Variants in ENTREP2 observed in about 807,000 individuals in gnomAD.
ENTREP2 encodes endosomal transmembrane epsin interactor 2, also known as protein ENTREP2.
chr15:29,399,160 A>G, the ENTREP2 span, among the ~76,000 whole-genome samples: 2 of 152,220 alleles, frequency 1.3e-5, no homozygotes, highest in African/African-American at 4.8e-5. Flanking sequence ...GAATTCTGCC[A>G]ACAACCTGAA....
chr15:29,445,266 G>A, the ENTREP2 span, among the ~76,000 whole-genome samples: 1 of 152,116 alleles, frequency 6.6e-6, no homozygotes, highest in Non-Finnish European at 1.5e-5. Context: ...CTAACACTTG[G>A]AATCTCCAAG....
At chr15:29,666,220 G>A in the ENTREP2 span, among the ~76,000 whole-genome samples, 4 of 151,970 alleles carry the variant, frequency 2.6e-5, no homozygotes, top group African/African-American at 7.3e-5. Context: ...CGTTTCAAAG[G>A]TAACATGCCC....
the ENTREP2 span, among the ~76,000 whole-genome samples, chr15:29,657,290 G>A: frequency 6.6e-6 from 1 of 151,060 alleles, no homozygotes; most frequent in Non-Finnish European, 1.5e-5. Flanking sequence ...CAAATCTCTC[G>A]ACCTCCTGAT....
chr15:29,163,583 G>A, the ENTREP2 span, among the ~76,000 whole-genome samples: 1 of 151,964 alleles, frequency 6.6e-6, no homozygotes, highest in Admixed American at 6.6e-5. Context: ...TCAAAGACAA[G>A]GTCTTTGAAT....
chr15:29,634,417 C>T, the ENTREP2 span, among the ~76,000 whole-genome samples: 1 of 152,182 alleles, frequency 6.6e-6, no homozygotes, highest in African/African-American at 2.4e-5. Context: ...AACCCCCACT[C>T]CTGTTTGGGG....
chr15:29,502,462 G>A, the ENTREP2 span, among the ~76,000 whole-genome samples: 1 of 151,632 alleles, frequency 6.6e-6, no homozygotes, highest in African/African-American at 2.4e-5. Flanking sequence ...AGGCCTAAAT[G>A]TAAGGGCTAT....
At chr15:29,648,913 T>C in the ENTREP2 span, among the ~76,000 whole-genome samples, 1 of 151,154 alleles carries the variant, frequency 6.6e-6, no homozygotes, top group African/African-American at 2.4e-5. Context: ...TACTCCAGCC[T>C]GGGCAACAAG....
the ENTREP2 span, among the ~76,000 whole-genome samples, chr15:29,455,796 T>C: frequency 6.6e-6 from 1 of 152,178 alleles, no homozygotes; most frequent in Non-Finnish European, 1.5e-5. Context: ...CACCTGAGCT[T>C]TGCCTCCTGT....
At chr15:29,659,322 T>A in the ENTREP2 span, among the ~76,000 whole-genome samples, 2 of 151,936 alleles carry the variant, frequency 1.3e-5, no homozygotes, top group African/African-American at 4.8e-5. Context: ...TACAAAAAAA[T>A]TAGCCAGGTG....
At chr15:29,388,086 A>C in the ENTREP2 span, among the ~76,000 whole-genome samples, 1 of 152,326 alleles carries the variant, frequency 6.6e-6, no homozygotes, top group South Asian at 2.1e-4. Flanking sequence ...AAAACACCAA[A>C]AGCAATGGCA....
the ENTREP2 span, among the ~76,000 whole-genome samples, chr15:29,287,168 A>G: frequency 1.3e-5 from 2 of 152,078 alleles, no homozygotes; most frequent in African/African-American, 4.8e-5. Flanking sequence ...CTTAACCTTG[A>G]CCCAAAAAGC....
the ENTREP2 span, among the ~76,000 whole-genome samples, chr15:29,588,860 G>A: frequency 1.7e-4 from 26 of 151,884 alleles, no homozygotes; most frequent in Non-Finnish European, 3.1e-4. Flanking sequence ...ATGGTGGGAC[G>A]CACCTGTAGT....
chr15:29,233,560 T>C, the ENTREP2 span: 1 of 593,992 alleles, frequency 1.7e-6, no homozygotes, highest in South Asian at 2.1e-5. Context: ...CAATACCACC[T>C]ACTGTAATTT....
At chr15:29,581,194 G>A in the ENTREP2 span, among the ~76,000 whole-genome samples, 1 of 152,088 alleles carries the variant, frequency 6.6e-6, no homozygotes, top group African/African-American at 2.4e-5. Context: ...CAACTTTCTA[G>A]GAGGTTTCAG....
chr15:29,373,200 A>C, the ENTREP2 span, among the ~76,000 whole-genome samples: 1 of 152,022 alleles, frequency 6.6e-6, no homozygotes, highest in Non-Finnish European at 1.5e-5. Context: ...AAAATAAGGA[A>C]ATGAGGAGAG....
the ENTREP2 span, among the ~76,000 whole-genome samples, chr15:29,270,368 G>A: frequency 1.3e-5 from 2 of 152,106 alleles, no homozygotes; most frequent in Admixed American, 6.5e-5. Flanking sequence ...CACTATTTCC[G>A]TATTTATATT....
chr15:29,196,414 C>T, the ENTREP2 span: 52 of 1,548,470 alleles, frequency 3.4e-5, no homozygotes, highest in South Asian at 2.9e-4. Flanking sequence ...GCACAAGCAG[C>T]GCCCAGCGGG....
chr15:29,527,840 A>G, the ENTREP2 span, among the ~76,000 whole-genome samples: 1 of 152,074 alleles, frequency 6.6e-6, no homozygotes, highest in South Asian at 2.1e-4. Flanking sequence ...CTCAGTAAGG[A>G]TGCTTCAGCG....
chr15:29,121,591 A>G, the ENTREP2 span: 1 of 152,232 alleles, frequency 6.6e-6, no homozygotes, highest in Non-Finnish European at 1.5e-5. Flanking sequence ...TTCACCTGCA[A>G]AGGGACTTGC....
Sources: allele counts gnomAD v4.1 joint callset (sites outside exome capture counted in the v4.1 genomes callset), GRCh38; gene constraint gnomAD v4.1.1; transcripts MANE v1.5; gene names NCBI Gene and HGNC (gene_info 2026-07-23, HGNC 2026-07-21).